The following FAM222A variants were observed in gnomAD, a reference collection of about 807,000 sequenced individuals.
FAM222A encodes protein FAM222A.
FAM222A carries 7 observed loss-of-function variants against 25.8 expected under a neutral mutation model. That is an observed-to-expected ratio of 0.27 (90% CI 0.15 to 0.51). The LOEUF (loss-of-function observed/expected upper bound fraction) is 0.51, where lower values mean the gene tolerates loss of function less well. FAM222A is among the 20% of genes least tolerant of loss of function. The pLI, the probability that FAM222A is intolerant of heterozygous loss-of-function variation, is 0.97. For synonymous variants in FAM222A, 294 were observed against 298.8 expected, an observed-to-expected ratio of 0.98 and a Z score of 0.17; for missense variants, 573 against 640.5, an observed-to-expected ratio of 0.89 and a Z score of 1.14.
intron 2 of FAM222A, chr12:109,744,894 C>A: frequency 1.9e-6 from 1 of 537,958 alleles, no homozygotes; most frequent in Non-Finnish European, 2.4e-6. Flanking sequence ...ATGGTTAGAG[C>A]TGAATGACTG....
chr12:109,743,464 C>G (rs1888301158), intron 1 of FAM222A, among the ~76,000 whole-genome samples: 1 of 152,188 alleles, frequency 6.6e-6, no homozygotes, highest in South Asian at 2.1e-4. Context: ...CAGGCAGCGA[C>G]AGGGATCTCG....
Position 109,770,047 on chromosome 12 carries a change from T to C in FAM222A, c.*759T>C, listed in dbSNP as rs1353250184. The C allele has an allele frequency of 1.3e-5, 2 of 152,228 alleles. No homozygotes were observed. The allele number at this position is 152,228 out of a possible 1,614,324, so 9.4% of individuals were successfully genotyped here. On this transcript the variant is annotated 3_prime_UTR_variant, in exon 3 of 3. Transcript: ENST00000538780. ...AAGGAGACACCACTTTCACCCAAAC[T>C]TGTATATTTATTACAATTTTCTGCA... is the stretch of plus-strand genomic sequence containing the variant.
intron 1 of FAM222A, among the ~76,000 whole-genome samples, chr12:109,738,009 GAA>G (rs768848973): frequency 1.3e-5 from 2 of 152,134 alleles, no homozygotes; most frequent in Non-Finnish European, 2.9e-5. Flanking sequence ...CAGGAAGGGA[GAA>G]AGAGAGAGAG....
chr12:109,742,419 A>C (rs1211337554), intron 1 of FAM222A, among the ~76,000 whole-genome samples: 1 of 152,204 alleles, frequency 6.6e-6, no homozygotes, highest in Non-Finnish European at 1.5e-5. Flanking sequence ...AATAAGCCCC[A>C]CTTCATTCCC....
intron 1 of FAM222A, among the ~76,000 whole-genome samples, chr12:109,725,345 A>T (rs773809611): frequency 6.6e-6 from 1 of 152,104 alleles, no homozygotes; most frequent in Non-Finnish European, 1.5e-5. Flanking sequence ...CAGAGAGGCA[A>T]AGGTACTCAC....
chr12:109,765,315 T>C (rs1263472161), intron 2 of FAM222A, among the ~76,000 whole-genome samples: 1 of 152,228 alleles, frequency 6.6e-6, no homozygotes, highest in East Asian at 1.9e-4. Context: ...CCTCTACCCC[T>C]AGCTGTGACA....
intron 1 of FAM222A, chr12:109,734,462 G>A (rs1262433255): frequency 6.6e-6 from 1 of 152,046 alleles, no homozygotes; most frequent in Non-Finnish European, 1.5e-5. Context: ...CCAAGCCTCT[G>A]GGGTTTCCTG....
chr12:109,761,422 A>G (rs916152421), intron 2 of FAM222A, among the ~76,000 whole-genome samples: 2 of 152,168 alleles, frequency 1.3e-5, no homozygotes, highest in African/African-American at 2.4e-5. Flanking sequence ...TCCTAAATCA[A>G]TACTCAGTCA....
chr12:109,717,621 T>C (rs1187575090), intron 1 of FAM222A, among the ~76,000 whole-genome samples: 1 of 152,180 alleles, frequency 6.6e-6, no homozygotes, highest in East Asian at 1.9e-4. Context: ...CGTGAGTGGC[T>C]GTGTCCTGGA....
intron 2 of FAM222A, among the ~76,000 whole-genome samples, chr12:109,745,587 C>A (rs555202945): frequency 1.3e-5 from 2 of 152,314 alleles, no homozygotes; most frequent in East Asian, 3.9e-4. Flanking sequence ...CTGTTCCCCA[C>A]CCCTCACCAT....
At chr12:109,727,399 C>T (rs966909013) in intron 1 of FAM222A, among the ~76,000 whole-genome samples, 2 of 152,178 alleles carry the variant, frequency 1.3e-5, no homozygotes, top group Non-Finnish European at 2.9e-5. Flanking sequence ...GCCGACACCT[C>T]CAGGGGACTG....
chr12:109,748,951 A>G (rs1888483534), intron 2 of FAM222A, among the ~76,000 whole-genome samples: 1 of 152,116 alleles, frequency 6.6e-6, no homozygotes, highest in South Asian at 2.1e-4. Flanking sequence ...TTTTTAAAAA[A>G]GGAGAAATTC....
At chr12:109,735,149 G>A (rs1888051047) in intron 1 of FAM222A, among the ~76,000 whole-genome samples, 4 of 152,256 alleles carry the variant, frequency 2.6e-5, no homozygotes, top group African/African-American at 7.2e-5. Context: ...CTCCTCCCCC[G>A]ACCTGGGCCA....
chr12:109,762,567 CT>C (rs1248601453), intron 2 of FAM222A, among the ~76,000 whole-genome samples: 9 of 152,214 alleles, frequency 5.9e-5, no homozygotes, highest in African/African-American at 2.2e-4. Flanking sequence ...CACCCACTTC[CT>C]TCATGTAAGA....
At chr12:109,715,486 G>A (rs1469419708) in intron 1 of FAM222A, among the ~76,000 whole-genome samples, 1 of 152,200 alleles carries the variant, frequency 6.6e-6, no homozygotes, top group African/African-American at 2.4e-5. Flanking sequence ...GGGTTGCCGT[G>A]GCAACACCAC....
intron 1 of FAM222A, among the ~76,000 whole-genome samples, chr12:109,742,559 G>T (rs1888273815): frequency 6.6e-6 from 1 of 151,598 alleles, no homozygotes. Context: ...GGGAGGGGGC[G>T]GTGAGAATCA....
chr12:109,768,132 G>A lies in FAM222A; in HGVS notation c.203G>A (p.Arg68His), dbSNP rs143038554. 2.8e-5 allele frequency: 45 copies of A among 1,613,854 alleles called. No individual in the cohort carries two copies. The highest frequency in any genetic ancestry group is 3.3e-5 in the Non-Finnish European group (39 of 1,180,028). ...LSIKIFPTNI[R>H]VPQHKHLSRT... is the part of the protein sequence containing the mutation. ...ATCAAGATCTTCCCCACCAACATCCGTGTGCCCCAGCACAAGCACCTCAGC... is the reference window on the plus strand; with the variant it reads ...ATCAAGATCTTCCCCACCAACATCCATGTGCCCCAGCACAAGCACCTCAGC... Residue 68 changes from arginine (R) to histidine (H), a missense_variant, in exon 3 of 3, where the codon CGT becomes CAT. Arg to His is a conservative substitution (Grantham distance 29). Coordinates refer to ENST00000538780, the MANE Select transcript of FAM222A (RefSeq NM_032829.3).
chr12:109,761,623 G>A (rs528304156), intron 2 of FAM222A, among the ~76,000 whole-genome samples: 3 of 152,262 alleles, frequency 2.0e-5, no homozygotes, highest in East Asian at 1.9e-4. Flanking sequence ...TGTGGGAGCC[G>A]CCTCTTTCCA....
intron 2 of FAM222A, among the ~76,000 whole-genome samples, chr12:109,746,488 C>CA (rs959061232): frequency 1.5e-4 from 22 of 147,070 alleles, no homozygotes; most frequent in African/African-American, 3.3e-4. Flanking sequence ...GACTTGGTCT[C>CA]AAAAAAAACA....
Sources: allele counts gnomAD v4.1 joint callset (sites outside exome capture counted in the v4.1 genomes callset), GRCh38; gene constraint gnomAD v4.1.1; transcripts MANE v1.5; gene names NCBI Gene and HGNC (gene_info 2026-07-23, HGNC 2026-07-21).